Variants in MUC4 observed in about 807,000 individuals in gnomAD.
MUC4 encodes the protein mucin-4.
MUC4 carries 202 observed loss-of-function variants against 257.9 expected under a neutral mutation model. The ratio of observed to expected loss-of-function variants is 0.78; its 90% CI spans 0.70 to 0.88. The LOEUF (loss-of-function observed/expected upper bound fraction) is 0.88. Ranked by LOEUF, MUC4 falls within the 40% of genes least tolerant of loss-of-function variation. The pLI, the probability that MUC4 is intolerant of heterozygous loss-of-function variation, is 0.00. For synonymous variants in MUC4, 2,351 were observed against 2,757.1 expected, an observed-to-expected ratio of 0.85 and a Z score of 4.62; for missense variants, 5,976 against 6,513.7, an observed-to-expected ratio of 0.92 and a Z score of 2.84.
rs115332872 is a variant in MUC4, at chr3:195,750,916, C to T, written c.15844G>A (p.Gly5282Arg). 9.1e-4 allele frequency: 1,475 copies of T among 1,613,776 alleles called. 7 individuals carry two copies. In the African/African-American group the frequency reaches 0.016, roughly 17 times the overall value. ...GCTGTCACATCGCGCACGTCTTCCCCGGAGATGGGCTGGAAGACCACGTCG... is the reference window on the plus strand; with the variant it reads ...GCTGTCACATCGCGCACGTCTTCCCTGGAGATGGGCTGGAAGACCACGTCG... ...RNDVVFQPIS[G>R]EDVRDVTALN... The change falls in exon 23 of 25, where the codon GGG becomes AGG. Residue 5282 changes from glycine (G) to arginine (R), a missense_variant. Transcript: ENST00000463781.
At chr3:195,753,341 G>A (rs1052541766) in intron 19 of MUC4, 111 bp from the exon 20 acceptor site, 200 of 1,109,788 alleles carry the variant, frequency 1.8e-4, no homozygotes, top group South Asian at 2.9e-4. Context: ...GTTCCACTTC[G>A]GGCCACTCGG....
chr3:195,754,783 TGTG>T (rs1717197879), intron 18 of MUC4, among the ~76,000 whole-genome samples: 1 of 150,978 alleles, frequency 6.6e-6, no homozygotes, highest in Non-Finnish European at 1.5e-5. Context: ...TGTATGTATG[TGTG>T]TATCCATGCA....
chr3:195,758,406 T>G (rs1471784432), intron 17 of MUC4, among the ~76,000 whole-genome samples: 2 of 152,180 alleles, frequency 1.3e-5, no homozygotes, highest in African/African-American at 2.4e-5. Flanking sequence ...GTATTTTTCA[T>G]ATTTCTTTAA....
chr3:195,759,580 C>T (rs1349679660), intron 16 of MUC4, among the ~76,000 whole-genome samples: 2 of 152,116 alleles, frequency 1.3e-5, no homozygotes, highest in Non-Finnish European at 2.9e-5. Flanking sequence ...TGGACCATTA[C>T]AAAGGGTTGT....
chr3:195,769,921 T>G (rs3096333), intron 6 of MUC4, among the ~76,000 whole-genome samples: 1 of 151,974 alleles, frequency 6.6e-6, no homozygotes, highest in Non-Finnish European at 1.5e-5. Context: ...CGTGAAATTG[T>G]GAATAGCCAG....
rs546579206 is a variant in MUC4, at chr3:195,790,657, G to A, written c.923C>T (p.Ala308Val). The A allele has an allele frequency of 1.4e-5, 23 of 1,613,998 alleles. No individual in the cohort carries two copies. Among genetic ancestry groups the A allele is most frequent in the East Asian group, 2.2e-5 (1 of 44,882 alleles). ...CTGAGTAGAAGTCCTTGAGAAAGTT[G>A]CTGGTGATTGTCCTTCTGGATCAAA... ...VTFDPEGQSP[A>V]TFSRTSTQDT... is the part of the protein sequence containing the mutation. Residue 308 changes from alanine to valine, a missense_variant, in exon 2 of 25, where the codon GCA becomes GTA. Physicochemically the swap from Ala to Val is moderately conservative, Grantham distance 64. Coordinates refer to ENST00000463781, the MANE Select transcript of MUC4 (RefSeq NM_018406.7).
At chr3:195,803,101 T>C (rs1464239561) in intron 1 of MUC4, among the ~76,000 whole-genome samples, 1 of 152,174 alleles carries the variant, frequency 6.6e-6, no homozygotes, top group African/African-American at 2.4e-5. Flanking sequence ...TTATATGTCT[T>C]CCTAAAAGTT....
chr3:195,788,527 G>C lies in MUC4; in HGVS notation c.3053C>G (p.Ser1018Cys), dbSNP rs547775645. The C allele has an allele frequency of 5.0e-5, 74 of 1,469,120 alleles. No homozygotes were observed. In the East Asian group the frequency reaches 1.2e-3, roughly 24 times the overall value. The allele number at this position is 1,469,120 out of a possible 1,614,324, so 91.0% of individuals were successfully genotyped here. The change falls in exon 2 of 25, where the codon TCC (serine) becomes TGC (cysteine). Residue 1018 changes from serine to cysteine, a missense_variant. Physicochemically the swap from Ser to Cys is moderately radical, Grantham distance 112. This residue lies in a region of MUC4 where 1,583 missense variants were observed against 1,257.4 expected (regional missense o/e 1.26). Coordinates refer to ENST00000463781, the MANE Select transcript of MUC4 (RefSeq NM_018406.7). ...AGGAAGAGGGGTGGTGTGACCTGTG[G>C]ATACTGAGGAAGGGCTGGTGACAGG... Reference protein sequence around the residue: ...PLPVTSPSSVSTGHTTPLPVT... With the variant: ...PLPVTSPSSVCTGHTTPLPVT...
At chr3:195,805,479 G>A (rs905513824) in intron 1 of MUC4, among the ~76,000 whole-genome samples, 1 of 152,102 alleles carries the variant, frequency 6.6e-6, no homozygotes, top group African/African-American at 2.4e-5. Flanking sequence ...GCTCCCACTG[G>A]GGCAGGCACA....
chr3:195,808,640 T>C (rs1224567862), intron 1 of MUC4, among the ~76,000 whole-genome samples: 1 of 152,248 alleles, frequency 6.6e-6, no homozygotes, highest in African/African-American at 2.4e-5. Flanking sequence ...GCGTTGCCTG[T>C]GTTCCCTGGG....
chr3:195,808,116 T>A (rs76385659), intron 1 of MUC4, among the ~76,000 whole-genome samples: 2,298 of 152,288 alleles, frequency 0.015, 73 homozygotes, highest in African/African-American at 0.052. Flanking sequence ...GGCACGAGGA[T>A]CCTTAGATGA....
At chr3:195,754,891 ATCCATGTATGTATG>A (rs879571115) in intron 18 of MUC4, among the ~76,000 whole-genome samples, 10,835 of 75,246 alleles carry the variant, frequency 0.14, 459 homozygotes, top group Middle Eastern at 0.3. Context: ...CCATGTATGT[ATCCATGTATGTATG>A]TGTGTGTCAT....
chr3:195,800,646 T>G (rs1424065803), intron 1 of MUC4, among the ~76,000 whole-genome samples: 1 of 152,166 alleles, frequency 6.6e-6, no homozygotes, highest in African/African-American at 2.4e-5. Flanking sequence ...CTACTAAGCT[T>G]GAGTAGGTTA....
At chr3:195,763,764 G>C (rs1719760656) in intron 11 of MUC4, 123 bp from the exon 12 acceptor site, 4 of 1,090,700 alleles carry the variant, frequency 3.7e-6, no homozygotes, top group African/African-American at 1.6e-5. Context: ...CACTGCAGTC[G>C]ACTGGGGCAC....
chr3:195,779,035 G>C lies in MUC4; in HGVS notation c.12545C>G (p.Thr4182Ser). The change falls in exon 2 of 25, where the codon ACT becomes AGT. Residue 4182 changes from threonine (T) to serine (S), a missense_variant. Physicochemically the swap from Thr to Ser is moderately conservative, Grantham distance 58. This residue lies in a region of MUC4 where 293 missense variants were observed against 294.5 expected (regional missense o/e 1.00). Transcript: ENST00000463781. ...GHGTPLPVTSTSSASTGDTTP... is the reference protein window; with the variant it reads ...GHGTPLPVTSSSSASTGDTTP... ...GGTGTCACCTGTGGATGCTGAGGAAGTGCTGGTGACAGGAAGAGGGGTGCC... is the reference window on the plus strand; with the variant it reads ...GGTGTCACCTGTGGATGCTGAGGAACTGCTGGTGACAGGAAGAGGGGTGCC... 4 of 1,238,974 alleles carry C rather than the reference G, an allele frequency of 3.2e-6. 1 individual carries two copies. Among genetic ancestry groups the C allele is most frequent in the Non-Finnish European group, 3.1e-6 (3 of 963,066 alleles). 76.7% of individuals were successfully genotyped at this position (1,238,974 alleles called of 1,614,324 possible). A position where few individuals can be genotyped will look rare whatever the true frequency, so the allele number is the denominator to read the frequency against.
rs842457 is a variant in MUC4 at position 195,810,529 on chromosome 3, A to G, written c.82+1207T>C. ...ACAGGCCTGGCATCCCTCCCCTCCC[A>G]GCTCTGTACACGGAGGAGCCCAAGG... On this transcript the variant is annotated intron_variant, in intron 1 of 24. Transcript: ENST00000463781. The surrounding 1 kb of genome is among the most constrained non-coding windows in gnomAD (Gnocchi z 4.2). 0.54 allele frequency among the ~76,000 whole-genome samples: 82,609 copies of G among 152,108 alleles called. 23,674 individuals are homozygous for G. Among genetic ancestry groups the G allele is most frequent in the East Asian group, 0.76 (3,903 of 5,132 alleles).
intron 1 of MUC4, 87 bp downstream of exon 1, chr3:195,811,648 CT>C: frequency 8.8e-7 from 1 of 1,135,226 alleles, no homozygotes; most frequent in Non-Finnish European, 1.3e-6. Context: ...CTCTCTCTCT[CT>C]GTCTCCCCGG....
intron 1 of MUC4, among the ~76,000 whole-genome samples, chr3:195,809,349 T>C (rs986412381): frequency 2.6e-5 from 4 of 152,194 alleles, no homozygotes; most frequent in Non-Finnish European, 1.5e-5. Flanking sequence ...GCAGGTCATC[T>C]GTAAACCCCT....
At chr3:195,808,269 A>G (rs777398705) in intron 1 of MUC4, among the ~76,000 whole-genome samples, 1 of 151,260 alleles carries the variant, frequency 6.6e-6, no homozygotes, top group Non-Finnish European at 1.5e-5. Context: ...CACCCAAGCT[A>G]GAGTGCTGCC....
Sources: gnomAD v4.1 joint callset for allele counts (sites outside exome capture counted in the v4.1 genomes callset) on GRCh38, gnomAD v4.1.1 for gene constraint, gnomAD v4.1.1 regional missense constraint, Gnocchi (gnomAD v3.1) non-coding constraint, MANE v1.5 for transcripts, NCBI Gene and HGNC (gene_info 2026-07-23, HGNC 2026-07-21) for gene names.